The following ERC2 variants were observed in gnomAD, a reference collection of about 807,000 sequenced individuals.
ERC2 encodes ELKS/RAB6-interacting/CAST family member 2.
A neutral mutation model predicts 114.8 loss-of-function variants in ERC2; 42 were observed. That is an observed-to-expected ratio of 0.37 (90% confidence interval 0.29 to 0.47). The LOEUF is 0.47. Ranked by LOEUF, ERC2 falls within the 20% of genes least tolerant of loss-of-function variation. The pLI, the probability that ERC2 is intolerant of heterozygous loss-of-function variation, is 0.99. For synonymous variants in ERC2, 454 were observed against 425.5 expected (o/e 1.07, Z -0.82); for missense variants, 939 against 1,150.7 (o/e 0.82, Z 2.66).
chr3:55,875,098 G>A (rs1454423154), intron 14 of ERC2, among the ~76,000 whole-genome samples: 2 of 152,212 alleles, frequency 1.3e-5, no homozygotes, highest in South Asian at 4.2e-4. Context: ...ACCAGGAGAG[G>A]GGAAGCAGAG....
intron 14 of ERC2, among the ~76,000 whole-genome samples, chr3:55,843,723 C>A (rs539060718): frequency 4.9e-4 from 74 of 152,186 alleles, no homozygotes; most frequent in Non-Finnish European, 5.9e-4. Flanking sequence ...AATCCCACTG[C>A]AAAAATGTGT....
At chr3:55,543,210 C>T (rs564740590) in intron 17 of ERC2, among the ~76,000 whole-genome samples, 60 of 152,258 alleles carry the variant, frequency 3.9e-4, no homozygotes, top group African/African-American at 1.3e-3. Context: ...GGAGCTGTCT[C>T]GGATGGGGGC....
chr3:55,684,322 G>T (rs201170700), intron 16 of ERC2, among the ~76,000 whole-genome samples: 2 of 149,400 alleles, frequency 1.3e-5, no homozygotes, highest in East Asian at 2.0e-4. Context: ...ACACACACAC[G>T]CACACACACA....
At chr3:56,282,644 T>C (rs961411225) in intron 3 of ERC2, among the ~76,000 whole-genome samples, 3 of 152,050 alleles carry the variant, frequency 2.0e-5, no homozygotes, top group Non-Finnish European at 4.4e-5. Flanking sequence ...CTGAGCTCCA[T>C]GCTTGCAGCT....
At chr3:56,171,319 C>A (rs1309529261) in intron 4 of ERC2, among the ~76,000 whole-genome samples, 1 of 152,182 alleles carries the variant, frequency 6.6e-6, no homozygotes, top group African/African-American at 2.4e-5. Flanking sequence ...GACCCTCCAC[C>A]AGCTGCCTCC....
intron 14 of ERC2, among the ~76,000 whole-genome samples, chr3:55,781,845 C>G (rs549209317): frequency 1.1e-4 from 16 of 145,894 alleles, no homozygotes; most frequent in African/African-American, 4.1e-4. Flanking sequence ...ACACTCCCGC[C>G]GGGGCAACAA....
intron 2 of ERC2, among the ~76,000 whole-genome samples, chr3:56,300,043 C>T (rs548683008): frequency 9.6e-4 from 146 of 152,184 alleles, no homozygotes; most frequent in Non-Finnish European, 1.6e-3. Flanking sequence ...CCCACATCTA[C>T]GCAGTGGGGA....
At chr3:56,347,332 G>A (rs537405872) in intron 2 of ERC2, among the ~76,000 whole-genome samples, 7 of 152,014 alleles carry the variant, frequency 4.6e-5, no homozygotes, top group Admixed American at 1.3e-4. Flanking sequence ...GCTAGGGCTG[G>A]TGCTCTGTGA....
At chr3:56,465,005 C>A (rs1308808137) in intron 1 of ERC2, among the ~76,000 whole-genome samples, 1 of 152,210 alleles carries the variant, frequency 6.6e-6, no homozygotes, top group African/African-American at 2.4e-5. Flanking sequence ...TACCATTCAC[C>A]TTATTTTTCA....
At chr3:55,759,477 A>C (rs1202907318) in intron 14 of ERC2, among the ~76,000 whole-genome samples, 8 of 104,158 alleles carry the variant, frequency 7.7e-5, no homozygotes, top group African/African-American at 2.7e-4. Flanking sequence ...AAAAAAAAAA[A>C]AAAAAAAAAA....
chr3:55,825,445 T>C (rs373633284), intron 14 of ERC2, among the ~76,000 whole-genome samples: 15 of 152,352 alleles, frequency 9.8e-5, no homozygotes, highest in African/African-American at 3.6e-4. Flanking sequence ...ATGTCCAAAT[T>C]TTCCAGACTT....
chr3:56,023,060 C>G lies in ERC2; in HGVS notation c.1642-4029G>C, dbSNP rs539481693. On this transcript the variant is annotated intron_variant, in intron 7 of 17. Coordinates refer to ENST00000288221, the MANE Select transcript of ERC2 (RefSeq NM_015576.3). ...CCAAGAATTAATGGGGTCCTTAACT[C>G]TGGGCTTGCAAAGCCTGAGATGGGC... Among the ~76,000 whole-genome samples, 143 of 152,268 alleles carry G rather than the reference C, an allele frequency of 9.4e-4. 1 individual carries two copies. Among genetic ancestry groups the G allele is most frequent in the Non-Finnish European group, 1.8e-3 (123 of 68,030 alleles).
At chr3:55,630,312 G>A (rs2148624311) in intron 17 of ERC2, among the ~76,000 whole-genome samples, 1 of 152,270 alleles carries the variant, frequency 6.6e-6, no homozygotes, top group Middle Eastern at 3.4e-3. Flanking sequence ...TGGAATTACA[G>A]GCGTGCACCA....
intron 14 of ERC2, among the ~76,000 whole-genome samples, chr3:55,824,367 A>G (rs896757716): frequency 5.3e-5 from 8 of 152,162 alleles, no homozygotes; most frequent in Admixed American, 6.5e-5. Context: ...CATAACACCC[A>G]TGTCAGAACA....
At chr3:55,588,719 A>C (rs1407274547) in intron 17 of ERC2, among the ~76,000 whole-genome samples, 4 of 152,134 alleles carry the variant, frequency 2.6e-5, no homozygotes, top group Non-Finnish European at 5.9e-5. Flanking sequence ...AGCACATCAC[A>C]AAAGTGGGGC....
rs1470903509 is a variant in ERC2, at chr3:55,992,098, A to G, written c.2214T>C (p.Asn738=). 1.2e-6 allele frequency: 2 copies of G among 1,613,736 alleles called. No individual in the cohort carries two copies. The highest frequency in any genetic ancestry group is 1.7e-6 in the Non-Finnish European group (2 of 1,179,848). The stretch of plus-strand genomic sequence containing the variant: ...TCTTCTTGTCCTTGTCATTCTTCTC[A>G]TTCTCCACCTCCTTGAGGATCTCCA... The part of the protein sequence containing the change: ...RLLEILKEVE[N]EKNDKDKKIA... The change falls in exon 11 of 18, where the codon AAT becomes AAC. Residue 738 remains asparagine (N), a synonymous_variant. Coordinates refer to ENST00000288221, the MANE Select transcript of ERC2 (RefSeq NM_015576.3).
At chr3:55,929,401 C>G (rs1224968765) in intron 13 of ERC2, among the ~76,000 whole-genome samples, 1 of 152,200 alleles carries the variant, frequency 6.6e-6, no homozygotes, top group Non-Finnish European at 1.5e-5. Context: ...CAAGCAGCTT[C>G]CTCTTACCTG....
chr3:55,734,965 AAAAC>A, intron 14 of ERC2, 47 bp from the exon 15 acceptor site: 1 of 1,484,778 alleles, frequency 6.7e-7, no homozygotes, highest in Non-Finnish European at 9.0e-7. Flanking sequence ...AATAAAAAAA[AAAAC>A]AAACAATTGG....
chr3:56,415,544 G>A (rs922292835), intron 2 of ERC2, among the ~76,000 whole-genome samples: 1 of 152,240 alleles, frequency 6.6e-6, no homozygotes, highest in African/African-American at 2.4e-5. Flanking sequence ...AGGAAGCACT[G>A]TAGCTTTGGA....
Sources: gnomAD v4.1 joint callset for allele counts (sites outside exome capture counted in the v4.1 genomes callset) on GRCh38, gnomAD v4.1.1 for gene constraint, MANE v1.5 for transcripts, NCBI Gene and HGNC (gene_info 2026-07-23, HGNC 2026-07-21) for gene names.